Variants in NLGN1 observed in about 807,000 individuals in gnomAD.
NLGN1 encodes neuroligin-1.
NLGN1 carries 12 observed loss-of-function variants against 65.5 expected under a neutral mutation model. The observed-to-expected ratio is 0.18, with a 90% CI of 0.12 to 0.30. NLGN1 has a LOEUF of 0.30. NLGN1 is among the 10% of genes least tolerant of loss of function. The pLI is 1.00. For synonymous variants in NLGN1, 350 were observed against 359.5 expected, an observed-to-expected ratio of 0.97 and a Z score of 0.30; for missense variants, 750 against 1,007.1, an observed-to-expected ratio of 0.74 and a Z score of 3.46.
At chr3:174,240,864 A>C (rs975287689) in intron 4 of NLGN1, among the ~76,000 whole-genome samples, 11 of 152,146 alleles carry the variant, frequency 7.2e-5, no homozygotes, top group African/African-American at 2.7e-4. Flanking sequence ...GCTTCCTGTC[A>C]GGGGAATTTT....
intron 4 of NLGN1, among the ~76,000 whole-genome samples, chr3:173,916,892 A>G (rs1740846817): frequency 6.6e-6 from 1 of 152,194 alleles, no homozygotes; most frequent in African/African-American, 2.4e-5. Flanking sequence ...GTTTCCTGTG[A>G]TTGGACCAAA....
At chr3:174,116,242 A>T (rs757759559) in intron 4 of NLGN1, among the ~76,000 whole-genome samples, 8 of 151,750 alleles carry the variant, frequency 5.3e-5, no homozygotes, top group South Asian at 4.1e-4. Context: ...ACCACTCGTC[A>T]TCAACATCAC....
At chr3:173,541,349 T>G (rs942005813) in intron 2 of NLGN1, among the ~76,000 whole-genome samples, 3 of 152,146 alleles carry the variant, frequency 2.0e-5, no homozygotes, top group African/African-American at 7.2e-5. Flanking sequence ...TTTATTAGAT[T>G]TGAAAGTTTG....
At chr3:173,854,011 T>C (rs900066843) in intron 4 of NLGN1, among the ~76,000 whole-genome samples, 3 of 152,012 alleles carry the variant, frequency 2.0e-5, no homozygotes, top group Non-Finnish European at 4.4e-5. Context: ...CTTTAACATA[T>C]AACACTCTGA....
At chr3:173,715,596 G>A (rs968053693) in intron 3 of NLGN1, among the ~76,000 whole-genome samples, 9 of 151,982 alleles carry the variant, frequency 5.9e-5, no homozygotes, top group Admixed American at 2.6e-4. Flanking sequence ...TTACAAACAC[G>A]TTTTTCTTTT....
In NLGN1 at chr3:174,105,933, C is replaced by T. The variant is rs200102329; in HGVS notation, c.647-169382C>T. 2.6e-5 allele frequency among the ~76,000 whole-genome samples: 4 copies of T among 152,130 alleles called. No individual in the cohort carries two copies. The East Asian group carries it at 7.7e-4, about 29-fold the overall frequency. On this transcript the variant is annotated intron_variant, in intron 4 of 6. Coordinates refer to ENST00000457714, the Ensembl canonical transcript of NLGN1. ...CACATTGGTTAATTGCTCAATGAAA[C>T]AGAGGATCATTTTTTGACTGATATG...
At chr3:173,678,253 C>G (rs1245985165) in intron 3 of NLGN1, among the ~76,000 whole-genome samples, 1 of 151,994 alleles carries the variant, frequency 6.6e-6, no homozygotes, top group Non-Finnish European at 1.5e-5. Flanking sequence ...GTTCTATGTA[C>G]TAGGAAGACT....
At chr3:174,056,479 G>A (rs560308673) in intron 4 of NLGN1, among the ~76,000 whole-genome samples, 14 of 151,066 alleles carry the variant, frequency 9.3e-5, no homozygotes, top group African/African-American at 2.2e-4. Context: ...TACTTTTTTC[G>A]CCTAACTCAG....
At chr3:173,835,165 C>T (rs1723369641) in intron 4 of NLGN1, among the ~76,000 whole-genome samples, 1 of 152,200 alleles carries the variant, frequency 6.6e-6, no homozygotes, top group Admixed American at 6.5e-5. Flanking sequence ...GTGATTTTTG[C>T]AGTAGACTCT....
At position 174,279,700 on chromosome 3, in the gene NLGN1, C is replaced by A. The variant is rs1241537701; in HGVS notation, c.1649+50C>A. ...ATTTTTAATAAAAATGTTATTTTAA[C>A]CATTTTAAAATAATAGATATTTATG... On this transcript the variant is annotated intron_variant, in intron 6 of 6. Transcript: ENST00000457714. The surrounding 1 kb of genome is among the most constrained non-coding windows in gnomAD (Gnocchi z 4.7). The A allele has an allele frequency of 8.7e-7, 1 of 1,146,820 alleles. No individual in the cohort carries two copies. The highest frequency in any genetic ancestry group is 1.2e-6 in the Non-Finnish European group (1 of 807,398). The allele number at this position is 1,146,820 out of a possible 1,614,324, so 71.0% of individuals were successfully genotyped here.
At chr3:173,401,944 A>G (rs1717772432) in intron 1 of NLGN1, among the ~76,000 whole-genome samples, 1 of 152,184 alleles carries the variant, frequency 6.6e-6, no homozygotes, top group African/African-American at 2.4e-5. Flanking sequence ...GAATGGAAAC[A>G]TATAGCGCTT....
intron 2 of NLGN1, among the ~76,000 whole-genome samples, chr3:173,572,919 TCTC>T (rs1274002455): frequency 6.6e-6 from 1 of 152,030 alleles, no homozygotes; most frequent in East Asian, 1.9e-4. Flanking sequence ...AGTAATAACT[TCTC>T]CTGCCCTGTG....
intron 4 of NLGN1, among the ~76,000 whole-genome samples, chr3:174,070,298 T>C (rs189872736): frequency 6.6e-6 from 1 of 151,922 alleles, no homozygotes; most frequent in South Asian, 2.1e-4. Context: ...ATTTGCAAGA[T>C]AGTTCATAAC....
intron 3 of NLGN1, among the ~76,000 whole-genome samples, chr3:173,801,404 T>C (rs1449632648): frequency 1.3e-5 from 2 of 151,994 alleles, no homozygotes; most frequent in South Asian, 2.1e-4. Context: ...TTAAATCTCA[T>C]AACGAAAATA....
chr3:174,073,403 A>C (rs569261847), intron 4 of NLGN1, among the ~76,000 whole-genome samples: 27 of 152,168 alleles, frequency 1.8e-4, no homozygotes, highest in Admixed American at 9.8e-4. Context: ...GCACTTTAGC[A>C]TATGTAAATA....
intron 2 of NLGN1, among the ~76,000 whole-genome samples, chr3:173,580,303 G>GT (rs1278516513): frequency 6.6e-6 from 1 of 152,000 alleles, no homozygotes; most frequent in East Asian, 1.9e-4. Context: ...ATTCTAAGAT[G>GT]TTTTTTATCA....
chr3:173,419,055 G>T (rs1422177934), intron 1 of NLGN1, among the ~76,000 whole-genome samples: 60 of 12,216 alleles, frequency 4.9e-3, no homozygotes, highest in Non-Finnish European at 6.0e-3. Context: ...TTTTTTTTTT[G>T]CTCATCAGCC....
intron 4 of NLGN1, among the ~76,000 whole-genome samples, chr3:173,939,147 A>C (rs1745548031): frequency 6.6e-6 from 1 of 152,212 alleles, no homozygotes; most frequent in Admixed American, 6.5e-5. Flanking sequence ...TAATGTACGT[A>C]GTTTTCGCAT....
At chr3:173,852,383 A>T (rs961081924) in intron 4 of NLGN1, among the ~76,000 whole-genome samples, 1 of 149,390 alleles carries the variant, frequency 6.7e-6, no homozygotes, top group Non-Finnish European at 1.5e-5. Context: ...AAAAAAAAAA[A>T]AAAAAGTAAG....
Sources: allele counts gnomAD v4.1 joint callset (sites outside exome capture counted in the v4.1 genomes callset), GRCh38; gene constraint gnomAD v4.1.1; non-coding constraint Gnocchi (gnomAD v3.1); transcripts MANE v1.5; gene names NCBI Gene and HGNC (gene_info 2026-07-23, HGNC 2026-07-21).